VWA8: variants seen among roughly 807,000 people sequenced by gnomAD.
VWA8 encodes von Willebrand factor A domain-containing protein 8.
A neutral mutation model predicts 241.5 loss-of-function variants in VWA8; 221 were observed. The ratio of observed to expected loss-of-function variants is 0.91; its 90% CI spans 0.82 to 1.02. VWA8 has a LOEUF of 1.02. Among genes scored for constraint, VWA8 ranks in the 50% least tolerant of loss-of-function variants. The pLI, the probability that VWA8 is intolerant of heterozygous loss-of-function variation, is 0.00. For missense variants in VWA8, 2,322 were observed against 2,328.7 expected (o/e 1.00, Z 0.06); for synonymous variants, 852 against 827.1 (o/e 1.03, Z -0.52).
chr13:41,631,616 T>G (rs1253415222), intron 37 of VWA8, among the ~76,000 whole-genome samples: 1 of 152,086 alleles, frequency 6.6e-6, no homozygotes, highest in Admixed American at 6.6e-5. Flanking sequence ...TTACTTAGAG[T>G]ACCTTATTTA....
At chr13:41,890,015 A>G (rs1211348337) in intron 5 of VWA8, among the ~76,000 whole-genome samples, 2 of 152,216 alleles carry the variant, frequency 1.3e-5, no homozygotes, top group Non-Finnish European at 2.9e-5. Context: ...AACTTTTTCT[A>G]CTTGATTAAA....
chr13:41,662,189 T>C (rs1023446331), intron 37 of VWA8, among the ~76,000 whole-genome samples: 15 of 152,182 alleles, frequency 9.9e-5, no homozygotes, highest in Admixed American at 2.6e-4. Context: ...CCTGCAGAGA[T>C]TGAATTGGAA....
chr13:41,605,131 C>A, intron 40 of VWA8, 37 bp downstream of exon 40: 5 of 1,599,186 alleles, frequency 3.1e-6, no homozygotes, highest in Non-Finnish European at 4.3e-6. Flanking sequence ...CAGGTTTGGG[C>A]CCAGGTTATT....
At chr13:41,704,462 A>ATTTTTTTTTTT (rs1566421929) in intron 26 of VWA8, among the ~76,000 whole-genome samples, 1 of 149,124 alleles carries the variant, frequency 6.7e-6, no homozygotes, top group Non-Finnish European at 1.5e-5. Flanking sequence ...TTAAGTCTTC[A>ATTTTTTTTTTT]CTTTTTTTTT....
intron 12 of VWA8, among the ~76,000 whole-genome samples, chr13:41,835,401 T>C (rs1871678026): frequency 6.6e-6 from 1 of 152,230 alleles, no homozygotes; most frequent in South Asian, 2.1e-4. Context: ...AATTTGTTCT[T>C]TTTAAATAAC....
At chr13:41,612,419 A>G (rs151194666) in intron 38 of VWA8, among the ~76,000 whole-genome samples, 3 of 152,242 alleles carry the variant, frequency 2.0e-5, no homozygotes, top group South Asian at 2.1e-4. Context: ...TACATAATAC[A>G]TATTACATAT....
chr13:41,801,917 G>C (rs933791597), intron 17 of VWA8, among the ~76,000 whole-genome samples: 1 of 152,180 alleles, frequency 6.6e-6, no homozygotes, highest in Admixed American at 6.5e-5. Flanking sequence ...GAAAATTATT[G>C]AATGTCTAAA....
At chr13:41,880,945 C>T (rs1283115905) in intron 9 of VWA8, among the ~76,000 whole-genome samples, 1 of 152,186 alleles carries the variant, frequency 6.6e-6, no homozygotes, top group African/African-American at 2.4e-5. Context: ...TGACTCCTGT[C>T]TAAATTAACT....
intron 42 of VWA8, among the ~76,000 whole-genome samples, chr13:41,576,188 G>A (rs928926456): frequency 6.6e-6 from 1 of 152,184 alleles, no homozygotes; most frequent in Admixed American, 6.5e-5. Flanking sequence ...TTCTTTTCAT[G>A]TATGTTCCTT....
At position 41,819,265 on chromosome 13, in the gene VWA8, T is replaced by C. The variant is rs759710562; in HGVS notation, c.1822A>G (p.Met608Val). The part of the protein sequence containing the change: ...EFLTMFFFHY[M>V]KPLVKSEEIQ... ...TCTTCACTTTTCACAAGTGGTTTCA[T>C]GTAATGGAAAAAGAACATGGTTAAG... Residue 608 changes from methionine (M) to valine (V), a missense_variant, in exon 15 of 45, where the codon ATG becomes GTG. Met to Val is a conservative substitution (Grantham distance 21). Coordinates refer to ENST00000379310, the MANE Select transcript of VWA8 (RefSeq NM_015058.2). 8 of 1,612,710 alleles carry C rather than the reference T, an allele frequency of 5.0e-6. No homozygotes were observed. Among genetic ancestry groups the C allele is most frequent in the Middle Eastern group, 3.3e-4 (2 of 6,084 alleles).
chr13:41,949,884 T>C (rs991237091), intron 2 of VWA8, 52 bp downstream of exon 2: 18 of 1,135,210 alleles, frequency 1.6e-5, no homozygotes, highest in Non-Finnish European at 2.0e-5. Context: ...TGAAAATTCC[T>C]ATAATGAAAA....
At chr13:41,835,155 G>C (rs1871662542) in intron 12 of VWA8, among the ~76,000 whole-genome samples, 1 of 152,114 alleles carries the variant, frequency 6.6e-6, no homozygotes, top group Non-Finnish European at 1.5e-5. Flanking sequence ...CCTGGGTGAT[G>C]GGATGATCTA....
At chr13:41,595,332 A>G (rs1338672390) in intron 40 of VWA8, among the ~76,000 whole-genome samples, 1 of 152,184 alleles carries the variant, frequency 6.6e-6, no homozygotes, top group African/African-American at 2.4e-5. Context: ...TTGCAGTGAG[A>G]GTAAGGGAGA....
chr13:41,694,510 C>T (rs1422984712), intron 29 of VWA8, among the ~76,000 whole-genome samples: 3 of 151,808 alleles, frequency 2.0e-5, no homozygotes, highest in African/African-American at 7.3e-5. Flanking sequence ...CACTACTTGA[C>T]AGTTTTGAAA....
chr13:41,844,619 A>C (rs1352726025), intron 12 of VWA8, among the ~76,000 whole-genome samples: 6 of 152,182 alleles, frequency 3.9e-5, no homozygotes, highest in Non-Finnish European at 7.4e-5. Flanking sequence ...ATGCTGCTAG[A>C]ACAGATGTCA....
chr13:41,772,677 C>G (rs2045833721), intron 20 of VWA8, among the ~76,000 whole-genome samples: 1 of 152,176 alleles, frequency 6.6e-6, no homozygotes, highest in South Asian at 2.1e-4. Context: ...AGACTATGTG[C>G]TGTGTCATAA....
At chr13:41,748,603 G>C (rs1294728579) in intron 21 of VWA8, among the ~76,000 whole-genome samples, 1 of 151,996 alleles carries the variant, frequency 6.6e-6, no homozygotes, top group East Asian at 1.9e-4. Flanking sequence ...ATCTCCTTCA[G>C]TTCTGCTCTG....
At chr13:41,897,632 G>A (rs192575579) in intron 4 of VWA8, among the ~76,000 whole-genome samples, 4 of 152,178 alleles carry the variant, frequency 2.6e-5, no homozygotes, top group Non-Finnish European at 4.4e-5. Flanking sequence ...AGACCCTCGC[G>A]GTGTGTGTTA....
intron 4 of VWA8, 86 bp downstream of exon 4, chr13:41,907,500 T>G: frequency 8.7e-7 from 1 of 1,155,722 alleles, no homozygotes; most frequent in Non-Finnish European, 1.3e-6. Flanking sequence ...TTTACTGTTA[T>G]ATGAGCTACT....
Sources: gnomAD v4.1 joint callset for allele counts (sites outside exome capture counted in the v4.1 genomes callset) on GRCh38, gnomAD v4.1.1 for gene constraint, MANE v1.5 for transcripts, NCBI Gene and HGNC (gene_info 2026-07-23, HGNC 2026-07-21) for gene names.